TCN2: variants seen among roughly 807,000 people sequenced by gnomAD.
TCN2 encodes transcobalamin-2.
Under a neutral mutation model 48.6 loss-of-function variants are expected in TCN2, and 34 were observed. That is an observed-to-expected ratio of 0.70 (90% CI 0.53 to 0.93). The LOEUF is 0.93. Among genes scored for constraint, TCN2 ranks in the 40% least tolerant of loss-of-function variants. TCN2 has a pLI of 0.00. For synonymous variants in TCN2, 283 were observed against 212.5 expected (o/e 1.33, Z -2.89); for missense variants, 652 against 526.1 (o/e 1.24, Z -2.34).
chr22:30,612,720 A>G (rs1444600831), intron 2 of TCN2, among the ~76,000 whole-genome samples, 153 bp from the exon 3 acceptor site: 1 of 152,218 alleles, frequency 6.6e-6, no homozygotes, highest in Non-Finnish European at 1.5e-5. Flanking sequence ...ACACCTCACA[A>G]CAACATAGCC....
intron 4 of TCN2, among the ~76,000 whole-genome samples, 167 bp downstream of exon 4, chr22:30,614,668 G>A (rs1012775308): frequency 6.6e-6 from 1 of 152,214 alleles, no homozygotes; most frequent in Non-Finnish European, 1.5e-5. Context: ...TGCTTCAGCT[G>A]TGAGCCAGCT....
At position 30,617,485 on chromosome 22, in the gene TCN2, G is replaced by C; in HGVS notation, c.1096G>C (p.Gly366Arg). 6.2e-7 allele frequency: 1 copy of C among 1,614,162 alleles called. No homozygotes were observed. The highest frequency in any genetic ancestry group is 8.5e-7 in the Non-Finnish European group (1 of 1,180,024). Reference sequence around the variant, plus strand: ...TGTCCTGAAGAAGGCCCATGAGTTAGGAGGATTCACGTGAGACTCCCACCT... The same window carrying C: ...TGTCCTGAAGAAGGCCCATGAGTTACGAGGATTCACGTGAGACTCCCACCT... ...EDVLKKAHELGGFTYETQASL... is the reference protein window; with the variant it reads ...EDVLKKAHELRGFTYETQASL... Residue 366 changes from glycine (G) to arginine (R), a missense_variant, in exon 7 of 9, where the codon GGA becomes CGA. By Grantham distance (125) the Gly-to-Arg change is moderately radical. Transcript: ENST00000215838.
Position 30,615,424 on chromosome 22 carries a change from C to G in TCN2, c.704C>G (p.Thr235Ser). 2 of 1,614,178 alleles carry G rather than the reference C, an allele frequency of 1.2e-6. No homozygotes were observed. Among genetic ancestry groups the G allele is most frequent in the Non-Finnish European group, 1.7e-6 (2 of 1,180,032 alleles). ...TVREEILKAQ[T>S]PEGHFGNVYS... ...CGAGAGGAGATCTTGAAGGCCCAGA[C>G]CCCCGAGGGCCACTTTGGGAATGTC... The change falls in exon 5 of 9, where the codon ACC becomes AGC. Residue 235 changes from threonine (T) to serine (S), a missense_variant. Transcript: ENST00000215838.
At position 30,615,385 on chromosome 22, in the gene TCN2, C is replaced by CGAGAA; in HGVS notation, c.665_666insGAGAA (p.Ile223ArgfsTer11). ...GGTCGGAGACAACGGATCACCATGG[C>CGAGAA]CATCAGAACAGTGCGAGAGGAGATC... On this transcript the variant is annotated frameshift_variant, in exon 5 of 9. Transcript: ENST00000215838. LOFTEE classifies it high-confidence loss of function. The CGAGAA allele has an allele frequency of 6.2e-7, 1 of 1,614,188 alleles. No individual in the cohort carries two copies. The highest frequency in any genetic ancestry group is 8.5e-7 in the Non-Finnish European group (1 of 1,180,046).
At chr22:30,614,933 A>C (rs535055168) in intron 4 of TCN2, among the ~76,000 whole-genome samples, 1 of 152,194 alleles carries the variant, frequency 6.6e-6, no homozygotes, top group East Asian at 1.9e-4. Context: ...AAATAAAATA[A>C]AACTCCCCTA....
At position 30,624,973 on chromosome 22, in the gene TCN2, T is replaced by C. The variant is rs191742722; in HGVS notation, c.1223-1487T>C. Among the ~76,000 whole-genome samples the C allele has an allele frequency of 1.9e-3, 285 of 152,236 alleles. 2 individuals are homozygous for C. Among genetic ancestry groups the C allele is most frequent in the African/African-American group, 6.6e-3 (275 of 41,540 alleles). On this transcript the variant is annotated intron_variant, in intron 8 of 8. Coordinates refer to ENST00000215838, the MANE Select transcript of TCN2 (RefSeq NM_000355.4). ...GGCTCATGCCTATAATTCCAGCACT[T>C]TGGGAGGCCAAGGCAGGTGGATCAC...
Position 30,615,454 on chromosome 22 carries a change from G to T in TCN2, c.734G>T (p.Ser245Ile). ...TPEGHFGNVY[S>I]TPLALQFLMT... ...GAGGGCCACTTTGGGAATGTCTACAGCACCCCATTGGCATTACAGGTGGGA... is the reference window on the plus strand; with the variant it reads ...GAGGGCCACTTTGGGAATGTCTACATCACCCCATTGGCATTACAGGTGGGA... The change falls in exon 5 of 9, where the codon AGC becomes ATC. Residue 245 changes from serine (S) to isoleucine (I), a missense_variant. Ser to Ile is a moderately radical substitution (Grantham distance 142). Transcript: ENST00000215838. 2 of 1,614,162 alleles carry T rather than the reference G, an allele frequency of 1.2e-6. No homozygotes were observed. Among genetic ancestry groups the T allele is most frequent in the Non-Finnish European group, 1.7e-6 (2 of 1,180,040 alleles).
At chr22:30,616,487 C>CAA (rs58169513) in intron 6 of TCN2, among the ~76,000 whole-genome samples, 19,276 of 94,070 alleles carry the variant, frequency 0.2, 1,682 homozygotes, top group Admixed American at 0.3. Flanking sequence ...GACTATGTCT[C>CAA]AAAAAAAAAA....
Position 30,626,616 on chromosome 22 carries a change from T to A in TCN2, c.*95T>A, listed in dbSNP as rs1256113125. ...GGAACAGGAACTCGCCTGACCCTGC[T>A]GCCACCTCCTGTGCACTTTGAGCAA... On this transcript the variant is annotated 3_prime_UTR_variant, in exon 9 of 9. Coordinates refer to ENST00000215838, the MANE Select transcript of TCN2 (RefSeq NM_000355.4). The A allele has an allele frequency of 7.3e-7, 1 of 1,370,804 alleles. No individual in the cohort carries two copies. The highest frequency in any genetic ancestry group is 1.8e-5 in the Admixed American group (1 of 54,264). The allele number at this position is 1,370,804 out of a possible 1,614,324, so 84.9% of individuals were successfully genotyped here.
Position 30,626,643 on chromosome 22 carries a change from GC to G in TCN2, c.*127del. 8.9e-7 allele frequency: 1 copy of G among 1,117,754 alleles called. No homozygotes were observed. Among genetic ancestry groups the G allele is most frequent in the Non-Finnish European group, 1.3e-6 (1 of 751,316 alleles). 69.2% of individuals were successfully genotyped at this position (1,117,754 alleles called of 1,614,324 possible). On this transcript the variant is annotated 3_prime_UTR_variant, in exon 9 of 9. Transcript: ENST00000215838. The stretch of plus-strand genomic sequence containing the variant: ...CCACCTCCTGTGCACTTTGAGCAAT[GC>G]CCCCTGGGATCACCCCAGCCACAAG...
At chr22:30,608,371 T>C (rs889433380) in intron 1 of TCN2, among the ~76,000 whole-genome samples, 6 of 152,164 alleles carry the variant, frequency 3.9e-5, no homozygotes, top group Non-Finnish European at 7.3e-5. Context: ...TTTTTAGAAC[T>C]TGAAGCCTCG....
rs551124897 is a variant in TCN2 at position 30,619,725 on chromosome 22, C to T, written c.1106+2230C>T. The stretch of plus-strand genomic sequence containing the variant: ...AGGGAGGGCCCACAGTTGGTTCCTT[C>T]GGGTCCTCTAGGCTAGAGAATCTCA... On this transcript the variant is annotated intron_variant, in intron 7 of 8. Coordinates refer to ENST00000215838, the MANE Select transcript of TCN2 (RefSeq NM_000355.4). Among the ~76,000 whole-genome samples the T allele has an allele frequency of 1.5e-4, 23 of 152,280 alleles. No individual in the cohort carries two copies. In the East Asian group the frequency reaches 2.5e-3, roughly 17 times the overall value.
chr22:30,615,169 TG>T, intron 4 of TCN2, 131 bp from the exon 5 acceptor site: 2 of 917,906 alleles, frequency 2.2e-6, no homozygotes, highest in Non-Finnish European at 3.5e-6. Context: ...TTAGCTGATC[TG>T]ACCATGTTGC....
chr22:30,624,293 C>T (rs1356334410), intron 8 of TCN2, among the ~76,000 whole-genome samples: 1 of 151,714 alleles, frequency 6.6e-6, no homozygotes, highest in African/African-American at 2.4e-5. Context: ...AGGCTGGTCT[C>T]AAACTCCTGA....
At chr22:30,618,858 C>T (rs141078604) in intron 7 of TCN2, among the ~76,000 whole-genome samples, 26 of 152,282 alleles carry the variant, frequency 1.7e-4, no homozygotes, top group Non-Finnish European at 3.1e-4. Flanking sequence ...CAGCATCTAC[C>T]TCCCAGGTTC....
chr22:30,615,656 C>A lies in TCN2; in HGVS notation c.809C>A (p.Ala270Glu). Residue 270 changes from alanine to glutamate, a missense_variant, in exon 6 of 9, where the codon GCG becomes GAG. Physicochemically the swap from Ala to Glu is moderately radical, Grantham distance 107 (BLOSUM62 -1). Coordinates refer to ENST00000215838, the MANE Select transcript of TCN2 (RefSeq NM_000355.4). ...GAACTGGGAACAGCATGTCTCAAGG[C>A]GAGGGTTGCTTTGCTGGCCAGTCTG... The part of the protein sequence containing the change: ...GAELGTACLK[A>E]RVALLASLQD... The A allele has an allele frequency of 2.5e-6, 4 of 1,614,156 alleles. No homozygotes were observed. Among genetic ancestry groups the A allele is most frequent in the Non-Finnish European group, 3.4e-6 (4 of 1,180,018 alleles).
At chr22:30,610,674 T>A (rs1261235749) in intron 1 of TCN2, among the ~76,000 whole-genome samples, 197 bp from the exon 2 acceptor site, 7 of 152,252 alleles carry the variant, frequency 4.6e-5, no homozygotes, top group African/African-American at 1.7e-4. Flanking sequence ...AACTGCTCTT[T>A]AGAGATACAC....
At chr22:30,614,167 C>G (rs1213818616) in intron 3 of TCN2, among the ~76,000 whole-genome samples, 182 bp from the exon 4 acceptor site, 1 of 152,216 alleles carries the variant, frequency 6.6e-6, no homozygotes, top group Non-Finnish European at 1.5e-5. Flanking sequence ...CCTGCTTCCT[C>G]TAAGCACAGT....
chr22:30,620,206 C>G (rs576340900), intron 7 of TCN2, among the ~76,000 whole-genome samples: 1 of 151,902 alleles, frequency 6.6e-6, no homozygotes, highest in East Asian at 1.9e-4. Context: ...AATCCCAGCA[C>G]TTTGGGAGGC....
Sources: allele counts gnomAD v4.1 joint callset (sites outside exome capture counted in the v4.1 genomes callset), GRCh38; gene constraint gnomAD v4.1.1; transcripts MANE v1.5; gene names NCBI Gene and HGNC (gene_info 2026-07-23, HGNC 2026-07-21).